TECPR1: variants seen among roughly 807,000 people sequenced by gnomAD.
The protein encoded by TECPR1 is tectonin beta-propeller repeat containing 1.
TECPR1 carries 122 observed loss-of-function variants against 162.4 expected under a neutral mutation model. That is an observed-to-expected ratio of 0.75 (90% CI 0.65 to 0.87). The LOEUF is 0.87. TECPR1 is among the 40% of genes least tolerant of loss of function. The probability of loss-of-function intolerance (pLI) is 0.00; values close to 1 mark genes in which losing one functional copy is unlikely to be tolerated. For missense variants in TECPR1, 1,432 were observed against 1,618.2 expected (o/e 0.88, Z 1.97); for synonymous variants, 642 against 670.6 (o/e 0.96, Z 0.66).
intron 23 of TECPR1, among the ~76,000 whole-genome samples, chr7:98,220,115 G>T (rs986587654): frequency 7.9e-5 from 12 of 151,766 alleles, no homozygotes; most frequent in Non-Finnish European, 1.6e-4. Context: ...GCGGAGGTGG[G>T]CGGATCACCT....
At position 98,245,754 on chromosome 7, in the gene TECPR1, G is replaced by A. The variant is rs183988112; in HGVS notation, c.225+168C>T. On this transcript the variant is annotated intron_variant, in intron 3 of 25. Coordinates refer to ENST00000447648, the MANE Select transcript of TECPR1 (RefSeq NM_015395.3). ...CTTCCAAAGTGCTGGGATTACAGGCGTGAGTCACCACGCCTGGCAGCAACA... is the reference window on the plus strand; with the variant it reads ...CTTCCAAAGTGCTGGGATTACAGGCATGAGTCACCACGCCTGGCAGCAACA... 9.5e-4 allele frequency among the ~76,000 whole-genome samples: 144 copies of A among 152,318 alleles called. 1 individual carries two copies. In the East Asian group the frequency reaches 0.019, roughly 20 times the overall value.
Position 98,229,073 on chromosome 7 carries a change from T to C in TECPR1, c.2376A>G (p.Val792=). 3 of 1,594,330 alleles carry C rather than the reference T, an allele frequency of 1.9e-6. No homozygotes were observed. Among genetic ancestry groups the C allele is most frequent in the Non-Finnish European group, 2.6e-6 (3 of 1,171,300 alleles). ...WGIGYDHTAW[V]YTGGYGGGCF... The stretch of plus-strand genomic sequence containing the variant: ...AGCCGCCTCCATAGCCGCCTGTGTA[T>C]ACCCAGGCCGTGTGGTCATAGCCGA... The change falls in exon 16 of 26, where the codon GTA becomes GTG. Residue 792 remains valine, a synonymous_variant. Transcript: ENST00000447648.
At chr7:98,244,503 G>C (rs777059257) in intron 5 of TECPR1, 68 bp downstream of exon 5, 36 of 1,531,710 alleles carry the variant, frequency 2.4e-5, no homozygotes, top group Non-Finnish European at 2.8e-5. Flanking sequence ...GGAAGGTGGA[G>C]AGGAGGCTGC....
In TECPR1 at chr7:98,243,359, G is replaced by A. The variant is rs980863820; in HGVS notation, c.657+108C>T. On this transcript the variant is annotated intron_variant, in intron 6 of 25. Coordinates refer to ENST00000447648, the MANE Select transcript of TECPR1 (RefSeq NM_015395.3). Reference sequence around the variant, plus strand: ...GAAAGGCCAGGAGCAGGCATGGGGTGGGGGGGCCGGGGCTCCGGGGAGGAG... The same window carrying A: ...GAAAGGCCAGGAGCAGGCATGGGGTAGGGGGGCCGGGGCTCCGGGGAGGAG... 1.0e-5 allele frequency: 15 copies of A among 1,431,628 alleles called. No individual in the cohort carries two copies. In the East Asian group the frequency reaches 1.2e-4, roughly 11 times the overall value. 88.7% of individuals were successfully genotyped at this position (1,431,628 alleles called of 1,614,324 possible).
intron 8 of TECPR1, 129 bp from the exon 9 acceptor site, chr7:98,238,739 C>T: frequency 1.3e-6 from 1 of 755,790 alleles, no homozygotes; most frequent in Non-Finnish European, 2.3e-6. Context: ...AGCAGTGGTA[C>T]ATCATTTAGC....
At chr7:98,231,414 G>A in intron 13 of TECPR1, 41 bp from the exon 14 acceptor site, 1 of 1,557,116 alleles carries the variant, frequency 6.4e-7, no homozygotes, top group African/African-American at 1.4e-5. Flanking sequence ...GTCACCCAGG[G>A]CAGGAGGCCT....
chr7:98,221,592 G>A (rs1798141895), intron 23 of TECPR1, 69 bp downstream of exon 23: 18 of 1,424,576 alleles, frequency 1.3e-5, no homozygotes, highest in Non-Finnish European at 1.8e-5. Context: ...CTCCCAAAGT[G>A]CTGAGATTAC....
Position 98,236,881 on chromosome 7 carries a change from C to T in TECPR1, c.1076G>A (p.Arg359Gln), listed in dbSNP as rs563333071. 4 of 1,578,154 alleles carry T rather than the reference C, an allele frequency of 2.5e-6. No homozygotes were observed. Among genetic ancestry groups the T allele is most frequent in the Non-Finnish European group, 3.4e-6 (4 of 1,163,964 alleles). Residue 359 changes from arginine to glutamine, a missense_variant, in exon 10 of 26, where the codon CGG (arginine) becomes CAG (glutamine). Transcript: ENST00000447648. ...GAGCTCGCTGGGGGTGACACCCTGC[C>T]GGAAGTACACGGCTCGGTCCTCACA... ...IGCEDRAVYFRQGVTPSELSG... is the reference protein window; with the variant it reads ...IGCEDRAVYFQQGVTPSELSG...
At chr7:98,225,248 C>CA in intron 17 of TECPR1, 146 bp from the exon 18 acceptor site, 1 of 763,120 alleles carries the variant, frequency 1.3e-6, no homozygotes, top group Non-Finnish European at 2.2e-6. Flanking sequence ...TAAGAGGTGA[C>CA]AGCCTGCTGG....
chr7:98,244,604 G>C lies in TECPR1; in HGVS notation c.498C>G (p.Tyr166Ter). 6.2e-7 allele frequency: 1 copy of C among 1,612,972 alleles called. No individual in the cohort carries two copies. Among genetic ancestry groups the C allele is most frequent in the Non-Finnish European group, 8.5e-7 (1 of 1,179,582 alleles). The change falls in exon 5 of 26, where the codon TAC becomes TAG. Residue 166 changes from tyrosine to a stop codon, truncating the protein, a stop_gained. Transcript: ENST00000447648. LOFTEE classifies it high-confidence loss of function. ...SCVRRRKWIR[Y>*]RRYKSRDIWA... ...AGATGTCCCGGGACTTGTATCTCCTGTACCGGATCCACTTCCGGCGCCGCA... is the reference window on the plus strand; with the variant it reads ...AGATGTCCCGGGACTTGTATCTCCTCTACCGGATCCACTTCCGGCGCCGCA...
chr7:98,233,287 C>G (rs1798497936), intron 11 of TECPR1, 134 bp downstream of exon 11: 28 of 1,202,914 alleles, frequency 2.3e-5, no homozygotes, highest in Non-Finnish European at 3.1e-5. Flanking sequence ...TGGCTCAGAG[C>G]TGCTGAGCAC....
chr7:98,246,239 G>T, intron 2 of TECPR1, 74 bp from the exon 3 acceptor site: 3 of 841,392 alleles, frequency 3.6e-6, no homozygotes, highest in Non-Finnish European at 3.6e-6. Context: ...AAACCTGGGA[G>T]ACTTCTACTG....
At chr7:98,221,814 G>T in intron 22 of TECPR1, 61 bp from the exon 23 acceptor site, 1 of 1,412,378 alleles carries the variant, frequency 7.1e-7, no homozygotes, top group Non-Finnish European at 9.9e-7. Context: ...GCCAGGTGGG[G>T]CTGTGGGCCT....
chr7:98,235,849 A>AAAAAAAAAAAAAAAAAAAAC, intron 10 of TECPR1, among the ~76,000 whole-genome samples: 1 of 110,256 alleles, frequency 9.1e-6, no homozygotes, highest in African/African-American at 3.1e-5. Flanking sequence ...AAAAAAAAAA[A>AAAAAAAAAAAAAAAAAAAAC]AACACCATCT....
chr7:98,219,279 C>A (rs553939973), intron 23 of TECPR1, among the ~76,000 whole-genome samples: 70 of 152,168 alleles, frequency 4.6e-4, no homozygotes, highest in Non-Finnish European at 5.0e-4. Flanking sequence ...TAAAACCATA[C>A]AAATTCTATA....
intron 23 of TECPR1, 46 bp downstream of exon 23, chr7:98,221,615 C>A (rs766591652): frequency 6.4e-7 from 1 of 1,568,172 alleles, no homozygotes; most frequent in Non-Finnish European, 8.8e-7. Context: ...GTGTGAGCCA[C>A]CATGCCCAGC....
At chr7:98,240,416 G>T (rs1163271193) in intron 8 of TECPR1, among the ~76,000 whole-genome samples, 1 of 151,998 alleles carries the variant, frequency 6.6e-6, no homozygotes, top group African/African-American at 2.4e-5. Context: ...TGCCGGATTT[G>T]TTCTAATGGG....
At position 98,226,736 on chromosome 7, in the gene TECPR1, C is replaced by A. The variant is rs149063315; in HGVS notation, c.2513+1278G>T. ...GCTTCGGGAGTTCAGGAGTTGGAGA[C>A]CAGCCTCACCAACATGGTGAAATCC... On this transcript the variant is annotated intron_variant, in intron 17 of 25. Transcript: ENST00000447648. 8 of 931,002 alleles carry A rather than the reference C, an allele frequency of 8.6e-6. No homozygotes were observed. In the East Asian group the frequency reaches 5.4e-4, roughly 63 times the overall value. 57.7% of individuals were successfully genotyped at this position (931,002 alleles called of 1,614,324 possible).
At chr7:98,248,309 G>A (rs182481295) in intron 2 of TECPR1, among the ~76,000 whole-genome samples, 2 of 152,232 alleles carry the variant, frequency 1.3e-5, no homozygotes, top group East Asian at 3.9e-4. Flanking sequence ...CCAGGACACT[G>A]GCCCGGGGCC....
Sources: allele counts gnomAD v4.1 joint callset (sites outside exome capture counted in the v4.1 genomes callset), GRCh38; gene constraint gnomAD v4.1.1; transcripts MANE v1.5; gene names NCBI Gene and HGNC (gene_info 2026-07-23, HGNC 2026-07-21).